Variants in CMIP observed in about 807,000 individuals in gnomAD.
The protein encoded by CMIP is c-Maf inducing protein, also known as C-Maf-inducing protein.
In CMIP, 13 loss-of-function variants were observed where a neutral mutation model predicts 97.3. The ratio of observed to expected loss-of-function variants is 0.13; its 90% confidence interval spans 0.09 to 0.21. The LOEUF (loss-of-function observed/expected upper bound fraction) is 0.21. CMIP is among the 10% of genes least tolerant of loss of function. The pLI is 1.00. For missense variants in CMIP, 847 were observed against 1,024.9 expected, an observed-to-expected ratio of 0.83 and a Z score of 2.37; for synonymous variants, 538 against 436.3, an observed-to-expected ratio of 1.23 and a Z score of -2.91.
intron 1 of CMIP, among the ~76,000 whole-genome samples, chr16:81,569,422 A>G (rs899390703): frequency 6.6e-5 from 10 of 152,038 alleles, no homozygotes; most frequent in African/African-American, 2.2e-4. Context: ...CTTATTTTCC[A>G]CCACTGTTTG....
chr16:81,599,380 G>A (rs16955612), intron 1 of CMIP, among the ~76,000 whole-genome samples: 6,027 of 152,224 alleles, frequency 0.04, 405 homozygotes, highest in African/African-American at 0.14. Flanking sequence ...ATGACTTTCC[G>A]TTTGTGAGAT....
chr16:81,574,240 C>T (rs60730964), intron 1 of CMIP, among the ~76,000 whole-genome samples: 5,753 of 152,316 alleles, frequency 0.038, 341 homozygotes, highest in African/African-American at 0.12. Flanking sequence ...CTTCCCTCAC[C>T]TGCAGGCTGT....
chr16:81,589,913 C>G lies in CMIP; in HGVS notation c.301-17654C>G, dbSNP rs1042317481. On this transcript the variant is annotated intron_variant, in intron 1 of 20. Coordinates refer to ENST00000537098, the MANE Select transcript of CMIP (RefSeq NM_198390.3). ...CCTCAATGGCGTGTGTAATGATAGGCCGGCGTCAGCCCTGGGTCCCTCAAG... is the reference window on the plus strand; with the variant it reads ...CCTCAATGGCGTGTGTAATGATAGGGCGGCGTCAGCCCTGGGTCCCTCAAG... 1.2e-4 allele frequency among the ~76,000 whole-genome samples: 18 copies of G among 152,322 alleles called. No homozygotes were observed. The South Asian group carries it at 1.7e-3, about 14-fold the overall frequency.
At chr16:81,641,635 C>G (rs2092307892) in intron 3 of CMIP, among the ~76,000 whole-genome samples, 1 of 152,172 alleles carries the variant, frequency 6.6e-6, no homozygotes, top group Admixed American at 6.5e-5. Context: ...CCCGCTGTTT[C>G]CCTGGAAGCG....
chr16:81,652,343 C>A lies in CMIP; in HGVS notation c.618C>A (p.Ile206=). The part of the protein sequence containing the change: ...DDSINQAPLE[I]VSKLLSENTN... ...CCATCAACCAGGCCCCACTGGAAAT[C>A]GTCTCGAAACTGCTCTCAGAGGTAA... is the stretch of plus-strand genomic sequence containing the variant. The change falls in exon 4 of 21, where the codon ATC becomes ATA. Residue 206 remains isoleucine, a synonymous_variant. Coordinates refer to ENST00000537098, the MANE Select transcript of CMIP (RefSeq NM_198390.3). The surrounding 1 kb of genome is among the most constrained non-coding windows in gnomAD (Gnocchi z 5.2). The A allele has an allele frequency of 6.2e-7, 1 of 1,613,686 alleles. No homozygotes were observed. Among genetic ancestry groups the A allele is most frequent in the Non-Finnish European group, 8.5e-7 (1 of 1,179,794 alleles).
In CMIP at chr16:81,528,278, C is replaced by G. The variant is rs187357562; in HGVS notation, c.301-79289C>G. On this transcript the variant is annotated intron_variant, in intron 1 of 20. Transcript: ENST00000537098. ...CGCTTGTCTGGTCTTGGAGTGAAGA[C>G]TTTTTTTTTTCATTCTAAACAATGC... 3.3e-3 allele frequency among the ~76,000 whole-genome samples: 497 copies of G among 149,944 alleles called. 2 individuals carry two copies. Among genetic ancestry groups the G allele is most frequent in the Middle Eastern group, 6.8e-3 (2 of 292 alleles).
intron 3 of CMIP, among the ~76,000 whole-genome samples, chr16:81,629,134 TAAAAAAAAAAAAAAAAAA>T (rs10533097): frequency 1.1e-4 from 5 of 45,684 alleles, no homozygotes; most frequent in Non-Finnish European, 1.6e-4. Context: ...AAACTGTGCT[TAAAAAAAAAAAAAAAAAA>T]AAAAAAAAAA....
intron 1 of CMIP, among the ~76,000 whole-genome samples, chr16:81,604,742 C>A (rs905683494): frequency 6.6e-6 from 1 of 152,114 alleles, no homozygotes; most frequent in African/African-American, 2.4e-5. Context: ...TATTTATACC[C>A]AACCTTTCCC....
At chr16:81,567,240 C>G (rs1173407732) in intron 1 of CMIP, among the ~76,000 whole-genome samples, 5 of 152,276 alleles carry the variant, frequency 3.3e-5, no homozygotes, top group Admixed American at 2.0e-4. Context: ...ACCACGGGAG[C>G]TTGTGCTGCT....
intron 1 of CMIP, among the ~76,000 whole-genome samples, chr16:81,564,973 G>T (rs557591800): frequency 7.2e-5 from 11 of 152,092 alleles, no homozygotes; most frequent in African/African-American, 2.7e-4. Flanking sequence ...GGTGGGCATT[G>T]CAGGGCAGGA....
At chr16:81,672,443 CTG>C (rs1404881647) in intron 9 of CMIP, among the ~76,000 whole-genome samples, 1 of 152,214 alleles carries the variant, frequency 6.6e-6, no homozygotes, top group South Asian at 2.1e-4. Flanking sequence ...ATACATGTGA[CTG>C]TGTGTACGTG....
intron 1 of CMIP, among the ~76,000 whole-genome samples, chr16:81,564,075 T>A (rs1037788294): frequency 6.6e-6 from 1 of 152,244 alleles, no homozygotes; most frequent in African/African-American, 2.4e-5. Flanking sequence ...CAGATTGATA[T>A]ATGTGGTCTG....
intron 1 of CMIP, among the ~76,000 whole-genome samples, chr16:81,450,279 A>G (rs1906126891): frequency 6.6e-6 from 1 of 152,234 alleles, no homozygotes. Flanking sequence ...ACATGAGATT[A>G]GGTGAGGCAG....
chr16:81,666,309 C>T (rs188799321), intron 7 of CMIP: 1 of 152,302 alleles, frequency 6.6e-6, no homozygotes, highest in Admixed American at 6.5e-5. Flanking sequence ...ACCCCCGGGA[C>T]ATACTTGGCA....
chr16:81,700,481 T>A (rs1907271279), intron 15 of CMIP: 1 of 152,536 alleles, frequency 6.6e-6, no homozygotes, highest in Admixed American at 6.5e-5. Flanking sequence ...AGAAGCCATG[T>A]CACTTTTTAA....
intron 1 of CMIP, among the ~76,000 whole-genome samples, chr16:81,577,913 C>T (rs1263255261): frequency 7.4e-6 from 1 of 136,034 alleles, no homozygotes; most frequent in African/African-American, 3.3e-5. Context: ...ATCACTGTCA[C>T]CATCACCATC....
intron 1 of CMIP, among the ~76,000 whole-genome samples, chr16:81,606,339 G>C (rs2150940236): frequency 6.6e-6 from 1 of 152,334 alleles, no homozygotes; most frequent in Middle Eastern, 3.4e-3. Context: ...CATGTGCCCA[G>C]GGTGCATGGG....
intron 1 of CMIP, among the ~76,000 whole-genome samples, chr16:81,586,523 C>G (rs1171164644): frequency 6.6e-6 from 1 of 152,262 alleles, no homozygotes; most frequent in South Asian, 2.1e-4. Context: ...AGTAAGCCCT[C>G]ACATTCCTCA....
intron 1 of CMIP, among the ~76,000 whole-genome samples, chr16:81,554,364 T>C (rs1173059958): frequency 8.5e-5 from 13 of 152,232 alleles, no homozygotes; most frequent in Admixed American, 6.5e-5. Flanking sequence ...TTCAGAGAAA[T>C]ATCCTGCTTC....
Sources: allele counts gnomAD v4.1 joint callset (sites outside exome capture counted in the v4.1 genomes callset), GRCh38; gene constraint gnomAD v4.1.1; non-coding constraint Gnocchi (gnomAD v3.1); transcripts MANE v1.5; gene names NCBI Gene and HGNC (gene_info 2026-07-23, HGNC 2026-07-21).